CACNA1I: variants seen among roughly 807,000 people sequenced by gnomAD.
The protein encoded by CACNA1I is voltage-dependent T-type calcium channel subunit alpha-1I.
Under a neutral mutation model 201.6 loss-of-function variants are expected in CACNA1I, and 74 were observed. The observed-to-expected ratio is 0.37, with a 90% CI of 0.30 to 0.45. CACNA1I has a LOEUF of 0.45. CACNA1I is among the 20% of genes least tolerant of loss of function. The pLI is 1.00. For synonymous variants in CACNA1I, 1,431 were observed against 1,345.2 expected (o/e 1.06, Z -1.40); for missense variants, 2,346 against 3,138.1 (o/e 0.75, Z 6.03).
intron 35 of CACNA1I, among the ~76,000 whole-genome samples, chr22:39,683,128 C>T (rs1285785128): frequency 6.6e-6 from 1 of 152,202 alleles, no homozygotes. Context: ...GATACTTATC[C>T]TTCAGCCCTA....
At chr22:39,667,080 G>A (rs1288618783) in intron 23 of CACNA1I, among the ~76,000 whole-genome samples, 1 of 152,228 alleles carries the variant, frequency 6.6e-6, no homozygotes, top group Admixed American at 6.5e-5. Flanking sequence ...AACCTGGCCT[G>A]CAGCCTCTGA....
At chr22:39,678,627 G>C (rs1486373553) in intron 31 of CACNA1I, among the ~76,000 whole-genome samples, 1 of 152,174 alleles carries the variant, frequency 6.6e-6, no homozygotes, top group Non-Finnish European at 1.5e-5. Context: ...CCCCAGCAAG[G>C]GGGCAGGAAG....
intron 3 of CACNA1I, among the ~76,000 whole-genome samples, chr22:39,602,398 T>C (rs1369176316): frequency 6.6e-6 from 1 of 151,982 alleles, no homozygotes; most frequent in African/African-American, 2.4e-5. Flanking sequence ...TCTCAATCAC[T>C]GTATTCAGTT....
At position 39,648,002 on chromosome 22, in the gene CACNA1I, G is replaced by T; in HGVS notation, c.1567+76G>T. 1 of 1,335,812 alleles carries T rather than the reference G, an allele frequency of 7.5e-7. No individual in the cohort carries two copies. Among genetic ancestry groups the T allele is most frequent in the Non-Finnish European group, 1.1e-6 (1 of 939,410 alleles). The allele number at this position is 1,335,812 out of a possible 1,614,324, so 82.7% of individuals were successfully genotyped here. On this transcript the variant is annotated intron_variant, in intron 9 of 36. Coordinates refer to ENST00000402142, the MANE Select transcript of CACNA1I (RefSeq NM_021096.4). This position sits in a 1 kb window ranked among gnomAD's most constrained non-coding sequence, Gnocchi z 5.4. ...TCTCCCAGTTGGTGCTGAGAAGGAA[G>T]TCGGCAGGCATGGGGACGGCGCTTG...
rs1256013354 is a variant in CACNA1I at position 39,663,775 on chromosome 22, G to C, written c.3531G>C (p.Leu1177=). The part of the protein sequence containing the change: ...IAHKLFDYVV[L]AFIFLNCITI... ...ACAAACTCTTCGACTACGTCGTCCT[G>C]GCCTTCATCTTTCTCAACTGCATCA... Residue 1177 remains leucine, a synonymous_variant, in exon 19 of 37, where the codon CTG becomes CTC. Transcript: ENST00000402142. 6.2e-7 allele frequency: 1 copy of C among 1,613,752 alleles called. No homozygotes were observed. The highest frequency in any genetic ancestry group is 1.1e-5 in the South Asian group (1 of 91,076).
At chr22:39,582,478 G>A (rs1369519513) in intron 1 of CACNA1I, among the ~76,000 whole-genome samples, 5 of 152,064 alleles carry the variant, frequency 3.3e-5, no homozygotes, top group African/African-American at 1.2e-4. Flanking sequence ...CAGCCCCAGT[G>A]ACAAAGAATT....
chr22:39,596,191 TG>T (rs369658128), intron 1 of CACNA1I, among the ~76,000 whole-genome samples: 2 of 2,820 alleles, frequency 7.1e-4, no homozygotes, highest in Non-Finnish European at 1.4e-3. Context: ...CGGAGGGAGA[TG>T]GGGGGGCAGG....
intron 7 of CACNA1I, among the ~76,000 whole-genome samples, chr22:39,645,673 G>T (rs1333244416): frequency 6.6e-6 from 1 of 152,194 alleles, no homozygotes; most frequent in South Asian, 2.1e-4. Flanking sequence ...CTCCTGGCGG[G>T]CACCTCCAAG....
At chr22:39,571,632 C>T (rs1435152517) in intron 1 of CACNA1I, among the ~76,000 whole-genome samples, 2 of 152,230 alleles carry the variant, frequency 1.3e-5, no homozygotes, top group East Asian at 3.8e-4. Flanking sequence ...TTCTGAGCCT[C>T]AGGGTCCTCT....
intron 1 of CACNA1I, among the ~76,000 whole-genome samples, chr22:39,577,927 G>A (rs576202467): frequency 9.4e-4 from 143 of 152,362 alleles, no homozygotes; most frequent in African/African-American, 3.4e-3. Context: ...TGAAATGGGG[G>A]CCACAGTGAC....
At chr22:39,655,514 C>CT (rs757346537) in intron 10 of CACNA1I, among the ~76,000 whole-genome samples, 7 of 152,318 alleles carry the variant, frequency 4.6e-5, no homozygotes, top group Admixed American at 2.0e-4. Context: ...TCTGCCTGCT[C>CT]TTTTTGTGTC....
intron 3 of CACNA1I, among the ~76,000 whole-genome samples, chr22:39,618,703 T>G (rs1601465311): frequency 1.8e-4 from 21 of 115,664 alleles, no homozygotes; most frequent in South Asian, 6.1e-4. Flanking sequence ...GGGTGGGAGG[T>G]GCCAGGGGAA....
intron 4 of CACNA1I, among the ~76,000 whole-genome samples, chr22:39,622,076 A>C (rs918901053): frequency 2.0e-5 from 3 of 152,154 alleles, no homozygotes; most frequent in Non-Finnish European, 4.4e-5. Flanking sequence ...CACCTTCCCC[A>C]ACAGTGTGTG....
Position 39,686,360 on chromosome 22 carries a change from C to T in CACNA1I, c.6627C>T (p.Pro2209=), listed in dbSNP as rs368693215. 2.3e-4 allele frequency: 303 copies of T among 1,313,372 alleles called. 1 individual carries two copies. In the Middle Eastern group the frequency reaches 5.1e-3, roughly 22 times the overall value. The allele number at this position is 1,313,372 out of a possible 1,614,324, so 81.4% of individuals were successfully genotyped here. The change falls in exon 37 of 37, where the codon CCC becomes CCT. Residue 2209 remains proline (P), a synonymous_variant. Coordinates refer to ENST00000402142, the MANE Select transcript of CACNA1I (RefSeq NM_021096.4). The part of the protein sequence containing the change: ...GPLAPPPQPL[P]GELEPGDAAS... ...TGGCGCCCCCGCCGCAACCGCTCCC[C>T]GGAGAGCTGGAGCCGGGAGACGCCG...
At chr22:39,673,926 C>G in intron 28 of CACNA1I, 37 bp from the exon 29 acceptor site, 1 of 1,604,948 alleles carries the variant, frequency 6.2e-7, no homozygotes, top group South Asian at 1.1e-5. Context: ...CCCCACCGGC[C>G]TGGGGCTGAG....
chr22:39,605,866 CAG>C (rs1000572498), intron 3 of CACNA1I, among the ~76,000 whole-genome samples: 6 of 151,972 alleles, frequency 3.9e-5, no homozygotes, highest in African/African-American at 9.7e-5. Context: ...AGGTGAGTGA[CAG>C]GGGATGCTGG....
rs1934559045 is a variant in CACNA1I at position 39,648,560 on chromosome 22, C to A, written c.1567+634C>A. ...ATGGGACTGACCCCTGGGTTCCTGG[C>A]TGCCCGCCCTGACTCCAGAGGTGTG... On this transcript the variant is annotated intron_variant, in intron 9 of 36. Coordinates refer to ENST00000402142, the MANE Select transcript of CACNA1I (RefSeq NM_021096.4). This position sits in a 1 kb window ranked among gnomAD's most constrained non-coding sequence, Gnocchi z 5.4. Among the ~76,000 whole-genome samples the A allele has an allele frequency of 6.6e-6, 1 of 152,148 alleles. No homozygotes were observed. Among genetic ancestry groups the A allele is most frequent in the African/African-American group, 2.4e-5 (1 of 41,420 alleles).
At chr22:39,588,064 G>C (rs1007617643) in intron 1 of CACNA1I, among the ~76,000 whole-genome samples, 6 of 150,832 alleles carry the variant, frequency 4.0e-5, no homozygotes, top group African/African-American at 1.2e-4. Flanking sequence ...GTAAGACACT[G>C]TGCTGGCTGA....
chr22:39,664,631 C>T (rs1349040716), intron 20 of CACNA1I, 108 bp from the exon 21 acceptor site: 4 of 459,692 alleles, frequency 8.7e-6, no homozygotes, highest in African/African-American at 4.0e-5. Flanking sequence ...GCCCCCTCCC[C>T]GAAGCCGATC....
Sources: allele counts gnomAD v4.1 joint callset (sites outside exome capture counted in the v4.1 genomes callset), GRCh38; gene constraint gnomAD v4.1.1; non-coding constraint Gnocchi (gnomAD v3.1); transcripts MANE v1.5; gene names NCBI Gene and HGNC (gene_info 2026-07-23, HGNC 2026-07-21).